The following ZC3H8 variants were observed in gnomAD, a reference collection of about 807,000 sequenced individuals.
The protein encoded by ZC3H8 is zinc finger CCCH-type containing 8, also known as zinc finger CCCH domain-containing protein 8.
In ZC3H8, 27 loss-of-function variants were observed where a neutral mutation model predicts 42.5. That is an observed-to-expected ratio of 0.64 (90% CI 0.47 to 0.88). The LOEUF (loss-of-function observed/expected upper bound fraction) is 0.88, where lower values mean the gene tolerates loss of function less well. Ranked by LOEUF, ZC3H8 falls within the 40% of genes least tolerant of loss-of-function variation. The pLI is 0.00. For missense variants in ZC3H8, 277 were observed against 336.1 expected, an observed-to-expected ratio of 0.82 and a Z score of 1.37; for synonymous variants, 101 against 110.1, an observed-to-expected ratio of 0.92 and a Z score of 0.52.
chr2:112,224,815 GAGA>G (rs1684744765), intron 8 of ZC3H8, among the ~76,000 whole-genome samples: 1 of 152,220 alleles, frequency 6.6e-6, no homozygotes, highest in Non-Finnish European at 1.5e-5. Flanking sequence ...TAAGGTCTGA[GAGA>G]AGGAGAAGAA....
chr2:112,213,760 A>G lies in ZC3H8; in HGVS notation c.*2724T>C, dbSNP rs1189590711. The G allele has an allele frequency of 9.1e-6, 1 of 110,352 alleles. No homozygotes were observed. The highest frequency in any genetic ancestry group is 3.4e-5 in the African/African-American group (1 of 29,238). 6.8% of individuals were successfully genotyped at this position (110,352 alleles called of 1,614,324 possible). On this transcript the variant is annotated 3_prime_UTR_variant, in exon 9 of 9. Coordinates refer to ENST00000409573, the MANE Select transcript of ZC3H8 (RefSeq NM_032494.3). ...CACTGCACTCCAGCCTGGGCGACAGAGCGAGACTCCGTCTCAAAAAAAAAA... is the reference window on the plus strand; with the variant it reads ...CACTGCACTCCAGCCTGGGCGACAGGGCGAGACTCCGTCTCAAAAAAAAAA...
chr2:112,231,087 A>G (rs1177471879), intron 7 of ZC3H8, 137 bp from the exon 8 acceptor site: 1 of 514,722 alleles, frequency 1.9e-6, no homozygotes, highest in African/African-American at 2.0e-5. Flanking sequence ...CTACTACTAC[A>G]GGAACTGAAA....
chr2:112,221,410 TGTAA>T (rs1401397523), intron 8 of ZC3H8, among the ~76,000 whole-genome samples: 2 of 152,200 alleles, frequency 1.3e-5, no homozygotes, highest in East Asian at 1.9e-4. Context: ...CTGCCATGTC[TGTAA>T]GTAAGTTTCC....
intron 2 of ZC3H8, among the ~76,000 whole-genome samples, chr2:112,247,217 AC>A (rs1685794117): frequency 6.6e-6 from 1 of 152,180 alleles, no homozygotes; most frequent in African/African-American, 2.4e-5. Context: ...ATGAAATCAA[AC>A]CCTCAAAATC....
rs1685217260 is a variant in ZC3H8, at chr2:112,234,183, T to C, written c.558A>G (p.Gln186=). 3.7e-6 allele frequency: 6 copies of C among 1,611,092 alleles called. No homozygotes were observed. In the East Asian group the frequency reaches 1.3e-4, roughly 36 times the overall value. The change falls in exon 5 of 9, where the codon CAA becomes CAG. Residue 186 remains glutamine (Q), a synonymous_variant. Transcript: ENST00000409573. ...QQHLSQAFIN[Q]HTVERKGKQI... ...GTTTTCCCTTGCGTTCCACTGTATG[T>C]TGGTTGATGAATGCCTGACTCAAAT...
intron 8 of ZC3H8, among the ~76,000 whole-genome samples, chr2:112,218,643 G>C (rs1211864150): frequency 6.6e-6 from 1 of 152,132 alleles, no homozygotes; most frequent in African/African-American, 2.4e-5. Flanking sequence ...AAATACACTG[G>C]AAAATTTTTT....
intron 8 of ZC3H8, among the ~76,000 whole-genome samples, chr2:112,222,686 A>G (rs1043092128): frequency 6.6e-6 from 1 of 152,250 alleles, no homozygotes; most frequent in African/African-American, 2.4e-5. Context: ...GACATACTGT[A>G]TGATTTCACT....
intron 8 of ZC3H8, among the ~76,000 whole-genome samples, chr2:112,225,351 A>ACCTG (rs1246274244): frequency 6.6e-6 from 1 of 152,250 alleles, no homozygotes; most frequent in Non-Finnish European, 1.5e-5. Context: ...GGTAGCACAC[A>ACCTG]CCTGCAGTCC....
intron 2 of ZC3H8, 170 bp from the exon 3 acceptor site, chr2:112,238,698 T>A: frequency 6.3e-6 from 3 of 473,122 alleles, no homozygotes; most frequent in Non-Finnish European, 1.1e-5. Context: ...ATTTCCAGAA[T>A]TAAAAAAAAG....
intron 8 of ZC3H8, among the ~76,000 whole-genome samples, chr2:112,230,377 A>C (rs1685038281): frequency 6.6e-6 from 1 of 152,186 alleles, no homozygotes; most frequent in Non-Finnish European, 1.5e-5. Context: ...GTGCACATTC[A>C]TGCCAAGAAG....
chr2:112,244,681 G>A lies in ZC3H8; in HGVS notation c.156+5510C>T, dbSNP rs141233267. On this transcript the variant is annotated intron_variant, in intron 2 of 8. Coordinates refer to ENST00000409573, the MANE Select transcript of ZC3H8 (RefSeq NM_032494.3). ...TCTGTGTCACATTTTGGTAATTCTCGCAATACATCTGTTATAGCGATCTGT... is the reference window on the plus strand; with the variant it reads ...TCTGTGTCACATTTTGGTAATTCTCACAATACATCTGTTATAGCGATCTGT... Among the ~76,000 whole-genome samples, 115 of 152,212 alleles carry A rather than the reference G, an allele frequency of 7.6e-4. 1 individual carries two copies. The highest frequency in any genetic ancestry group is 2.6e-3 in the African/African-American group (107 of 41,532).
chr2:112,252,904 G>A (rs1686001606), intron 1 of ZC3H8, among the ~76,000 whole-genome samples: 1 of 152,176 alleles, frequency 6.6e-6, no homozygotes, highest in Admixed American at 6.5e-5. Flanking sequence ...AGCACTTTGG[G>A]AGGCCAAGGC....
intron 1 of ZC3H8, among the ~76,000 whole-genome samples, chr2:112,254,440 C>T (rs1204048181): frequency 6.6e-6 from 1 of 152,178 alleles, no homozygotes; most frequent in East Asian, 1.9e-4. Context: ...TATTCTTTAC[C>T]TTTCAATAAA....
At chr2:112,238,213 TATC>T (rs1399405302) in intron 3 of ZC3H8, 99 bp downstream of exon 3, 1 of 1,180,060 alleles carries the variant, frequency 8.5e-7, no homozygotes, top group Admixed American at 2.4e-5. Flanking sequence ...ACCATAGTCT[TATC>T]ATAAGATAAA....
chr2:112,234,901 A>T (rs1685254784), intron 4 of ZC3H8, among the ~76,000 whole-genome samples: 1 of 152,224 alleles, frequency 6.6e-6, no homozygotes, highest in South Asian at 2.1e-4. Flanking sequence ...AAAGTTGGAA[A>T]TCAGAGTGAA....
intron 2 of ZC3H8, among the ~76,000 whole-genome samples, chr2:112,249,732 C>T (rs1336694194): frequency 6.6e-6 from 1 of 152,226 alleles, no homozygotes; most frequent in Non-Finnish European, 1.5e-5. Context: ...GCGTGAGCCA[C>T]CGCGCCCAGC....
In ZC3H8 at chr2:112,238,404, A is replaced by C; in HGVS notation, c.281T>G (p.Leu94Arg). ...QESEDNFAKE[L>R]QQYIQAREMA... ...TTCTCTGGCTTGTATGTACTGTTGA[A>C]GCTCTTTGGCAAAATTATCTTCTGA... The change falls in exon 3 of 9, where the codon CTT becomes CGT. Residue 94 changes from leucine (L) to arginine (R), a missense_variant. Transcript: ENST00000409573. The C allele has an allele frequency of 5.0e-6, 8 of 1,613,706 alleles. No individual in the cohort carries two copies. The highest frequency in any genetic ancestry group is 1.1e-5 in the South Asian group (1 of 91,076).
chr2:112,236,996 G>T (rs912413111), intron 3 of ZC3H8, among the ~76,000 whole-genome samples: 1 of 152,208 alleles, frequency 6.6e-6, no homozygotes, highest in African/African-American at 2.4e-5. Flanking sequence ...AGGTGTTCAA[G>T]GTTACAGTGA....
intron 1 of ZC3H8, 95 bp from the exon 2 acceptor site, chr2:112,250,367 C>T (rs1199203514): frequency 1.3e-6 from 1 of 771,120 alleles, no homozygotes; most frequent in Admixed American, 3.8e-5. Flanking sequence ...TTGTCTTCAA[C>T]TTACCCTCAA....
Sources: gnomAD v4.1 joint callset for allele counts (sites outside exome capture counted in the v4.1 genomes callset) on GRCh38, gnomAD v4.1.1 for gene constraint, MANE v1.5 for transcripts, NCBI Gene and HGNC (gene_info 2026-07-23, HGNC 2026-07-21) for gene names.